The following MDM4 variants were observed in gnomAD, a reference collection of about 807,000 sequenced individuals.
The protein encoded by MDM4 is protein Mdm4.
MDM4 carries 2 observed loss-of-function variants against 60.2 expected under a neutral mutation model. The observed-to-expected ratio is 0.03, with a 90% CI of 0.01 to 0.10. The LOEUF (loss-of-function observed/expected upper bound fraction) is 0.10, where lower values mean the gene tolerates loss of function less well. Among genes scored for constraint, MDM4 ranks in the 10% least tolerant of loss-of-function variants. MDM4 has a pLI of 1.00. For synonymous variants in MDM4, 202 were observed against 198.1 expected, an observed-to-expected ratio of 1.02 and a Z score of -0.17; for missense variants, 447 against 577.5, an observed-to-expected ratio of 0.77 and a Z score of 2.32.
In MDM4 at chr1:204,521,921, A is replaced by T. The variant is rs1463361247; in HGVS notation, c.-35-3563A>T. On this transcript the variant is annotated intron_variant, in intron 1 of 10. Transcript: ENST00000367182. ...TTGGTAGGGAAAAATAAAGCAGGGA[A>T]GGAGATAGGGAATACAAGCGGTTGG... Among the ~76,000 whole-genome samples the T allele has an allele frequency of 4.6e-5, 7 of 152,198 alleles. No individual in the cohort carries two copies. In the South Asian group the frequency reaches 8.3e-4, roughly 18 times the overall value.
At chr1:204,517,437 C>G (rs2102270992) in intron 1 of MDM4, among the ~76,000 whole-genome samples, 1 of 151,694 alleles carries the variant, frequency 6.6e-6, no homozygotes, top group African/African-American at 2.4e-5. Context: ...GAGTTTCGCT[C>G]TTTTTGCCCA....
chr1:204,544,755 T>C, intron 9 of MDM4, 71 bp downstream of exon 9: 1 of 1,402,784 alleles, frequency 7.1e-7, no homozygotes, highest in Non-Finnish European at 9.7e-7. Context: ...GATTTCTTTG[T>C]ATCTGTTTTT....
At chr1:204,522,443 G>C (rs1324827795) in intron 1 of MDM4, among the ~76,000 whole-genome samples, 2 of 150,954 alleles carry the variant, frequency 1.3e-5, no homozygotes, top group Non-Finnish European at 2.9e-5. Flanking sequence ...CTGTCACCAG[G>C]CTGTAGTGCA....
intron 7 of MDM4, among the ~76,000 whole-genome samples, chr1:204,542,031 T>G (rs888685457): frequency 6.6e-6 from 1 of 152,220 alleles, no homozygotes; most frequent in African/African-American, 2.4e-5. Flanking sequence ...AACAGACTTA[T>G]GTTAATTAGC....
Position 204,549,729 on chromosome 1 carries a change from T to C in MDM4, c.*47T>C. 9.1e-7 allele frequency: 1 copy of C among 1,100,332 alleles called. No homozygotes were observed. The highest frequency in any genetic ancestry group is 1.3e-6 in the Non-Finnish European group (1 of 775,136). 68.2% of individuals were successfully genotyped at this position (1,100,332 alleles called of 1,614,324 possible). ...GCATTTATTCCGTTCACTTACCACATTATTTGAAAATCAATCCTTTATTTA... is the reference window on the plus strand; with the variant it reads ...GCATTTATTCCGTTCACTTACCACACTATTTGAAAATCAATCCTTTATTTA... On this transcript the variant is annotated 3_prime_UTR_variant, in exon 11 of 11. Transcript: ENST00000367182.
chr1:204,547,659 A>G (rs370142039), intron 10 of MDM4, among the ~76,000 whole-genome samples: 135 of 152,330 alleles, frequency 8.9e-4, no homozygotes, highest in African/African-American at 3.0e-3. Flanking sequence ...GTAGCTTAGT[A>G]ATAAAGTAAA....
chr1:204,543,958 G>A (rs1193870298), intron 8 of MDM4, among the ~76,000 whole-genome samples: 2 of 152,196 alleles, frequency 1.3e-5, no homozygotes, highest in Non-Finnish European at 2.9e-5. Context: ...ATAAATGGAT[G>A]AGTATTTAAT....
In MDM4 at chr1:204,554,994, G is replaced by A; in HGVS notation, c.*5312G>A. The stretch of plus-strand genomic sequence containing the variant: ...CCAATAGCCTTTTGAATGACTGAAA[G>A]TGTTAACAGAGAAAGAGGCATGTCT... On this transcript the variant is annotated 3_prime_UTR_variant, in exon 11 of 11. Coordinates refer to ENST00000367182, the MANE Select transcript of MDM4 (RefSeq NM_002393.5). 1 of 220,076 alleles carries A rather than the reference G, an allele frequency of 4.5e-6. No individual in the cohort carries two copies. The highest frequency in any genetic ancestry group is 6.6e-5 in the East Asian group (1 of 15,056). 13.6% of individuals were successfully genotyped at this position (220,076 alleles called of 1,614,324 possible). A position where few individuals can be genotyped will look rare whatever the true frequency, so the allele number is the denominator to read the frequency against.
chr1:204,532,918 A>G, intron 5 of MDM4: 1 of 1,394,976 alleles, frequency 7.2e-7, no homozygotes. Flanking sequence ...TTTGCCAAGA[A>G]AGCTTTATAG....
chr1:204,524,603 C>T (rs538299826), intron 1 of MDM4, among the ~76,000 whole-genome samples: 1 of 152,190 alleles, frequency 6.6e-6, no homozygotes, highest in Admixed American at 6.5e-5. Context: ...AGGGTGAAAC[C>T]CCGTCTCTAC....
chr1:204,518,310 C>T (rs768198592), intron 1 of MDM4, among the ~76,000 whole-genome samples: 2 of 152,182 alleles, frequency 1.3e-5, no homozygotes, highest in African/African-American at 2.4e-5. Flanking sequence ...CACAGGCCAC[C>T]GGCTGCAGTT....
intron 1 of MDM4, among the ~76,000 whole-genome samples, chr1:204,518,781 G>A (rs765087734): frequency 2.6e-5 from 4 of 152,222 alleles, no homozygotes; most frequent in South Asian, 2.1e-4. Flanking sequence ...TTCTTCTGCC[G>A]CAGCCACGCA....
At chr1:204,525,961 A>AG (rs1448116870) in intron 2 of MDM4, among the ~76,000 whole-genome samples, 1 of 151,608 alleles carries the variant, frequency 6.6e-6, no homozygotes, top group Non-Finnish European at 1.5e-5. Context: ...AAAGTAGGGG[A>AG]GGTGGGGGTT....
At position 204,549,278 on chromosome 1, in the gene MDM4, AATG is replaced by A. The variant is rs1662973974; in HGVS notation, c.1073_1075del (p.Asp358del). ...CATACCTGAAAAGGAAAATGAAGGA[AATG>A]ATGTCCCTGATTGTCGAAGAACCAT... On this transcript the variant is annotated inframe_deletion, in exon 11 of 11. Transcript: ENST00000367182. 4 of 1,614,192 alleles carry A rather than the reference AATG, an allele frequency of 2.5e-6. No homozygotes were observed. Among genetic ancestry groups the A allele is most frequent in the African/African-American group, 1.3e-5 (1 of 75,064 alleles).
intron 9 of MDM4, among the ~76,000 whole-genome samples, chr1:204,546,453 T>A (rs1226097920): frequency 6.6e-6 from 1 of 152,188 alleles, no homozygotes; most frequent in East Asian, 1.9e-4. Context: ...TCCTCCTGCC[T>A]TGGCCTCCCA....
At chr1:204,543,669 T>A (rs946941406) in intron 8 of MDM4, among the ~76,000 whole-genome samples, 1 of 152,230 alleles carries the variant, frequency 6.6e-6, no homozygotes, top group Admixed American at 6.5e-5. Flanking sequence ...TAGGATCCAT[T>A]CGCTTTTTGT....
At chr1:204,523,847 G>A (rs1238026068) in intron 1 of MDM4, among the ~76,000 whole-genome samples, 1 of 152,172 alleles carries the variant, frequency 6.6e-6, no homozygotes, top group Non-Finnish European at 1.5e-5. Context: ...GAGGGGAAGG[G>A]GTTCTTATCC....
intron 5 of MDM4, among the ~76,000 whole-genome samples, chr1:204,533,322 A>T (rs1469675376): frequency 6.6e-6 from 1 of 152,194 alleles, no homozygotes; most frequent in African/African-American, 2.4e-5. Context: ...TGAGCTTCAT[A>T]TTAACATTGC....
intron 4 of MDM4, 98 bp downstream of exon 4, chr1:204,530,915 T>C (rs953970222): frequency 1.1e-5 from 16 of 1,484,614 alleles, no homozygotes; most frequent in South Asian, 2.4e-5. Context: ...TCAACAAATA[T>C]GTAAGAGCCT....
Sources: allele counts gnomAD v4.1 joint callset (sites outside exome capture counted in the v4.1 genomes callset), GRCh38; gene constraint gnomAD v4.1.1; transcripts MANE v1.5; gene names NCBI Gene and HGNC (gene_info 2026-07-23, HGNC 2026-07-21).